Variants in NPAS3 observed in about 807,000 individuals in gnomAD.
The protein encoded by NPAS3 is neuronal PAS domain protein 3.
A neutral mutation model predicts 73.1 loss-of-function variants in NPAS3; 14 were observed. That is an observed-to-expected ratio of 0.19 (90% CI 0.13 to 0.30). NPAS3 has a LOEUF of 0.30. NPAS3 is among the 10% of genes least tolerant of loss of function. NPAS3 has a pLI of 1.00. For missense variants in NPAS3, 1,096 were observed against 1,250.0 expected (o/e 0.88, Z 1.86); for synonymous variants, 620 against 541.5 (o/e 1.14, Z -2.01).
chr14:32,940,003 C>CT (rs1188340725), intron 1 of NPAS3, among the ~76,000 whole-genome samples: 1 of 152,216 alleles, frequency 6.6e-6, no homozygotes, highest in Non-Finnish European at 1.5e-5. Flanking sequence ...CGCTCGGCAA[C>CT]TTGTGGGTCT....
chr14:33,274,158 G>A (rs75213149), intron 3 of NPAS3, among the ~76,000 whole-genome samples: 2,513 of 152,300 alleles, frequency 0.017, 31 homozygotes, highest in Middle Eastern at 0.048. Context: ...ATTGGTTACA[G>A]CTCAGTGTTT....
rs10582207 is a variant in NPAS3 at position 33,797,863 on chromosome 14, C to CAT, written c.1426+297_1426+298dup. Among the ~76,000 whole-genome samples, 1,303 of 144,942 alleles carry CAT rather than the reference C, an allele frequency of 9.0e-3. 5 individuals are homozygous for CAT. The highest frequency in any genetic ancestry group is 0.012 in the African/African-American group (460 of 37,246). On this transcript the variant is annotated intron_variant, in intron 11 of 11. Transcript: ENST00000356141. ...ACATCTGTGTGTGTGTATATATATA[C>CAT]ATATATATATATATATGTTTTTGTG...
At chr14:33,592,415 A>G (rs1272068653) in intron 5 of NPAS3, among the ~76,000 whole-genome samples, 2 of 152,228 alleles carry the variant, frequency 1.3e-5, no homozygotes, top group Non-Finnish European at 2.9e-5. Flanking sequence ...TTAAAATTTA[A>G]GAGGCGAAGC....
intron 4 of NPAS3, among the ~76,000 whole-genome samples, chr14:33,398,491 C>CT (rs1347534737): frequency 1.3e-5 from 2 of 149,776 alleles, no homozygotes; most frequent in Non-Finnish European, 3.0e-5. Flanking sequence ...ACTGTTTTAA[C>CT]TTTTTCTTAG....
chr14:33,720,552 A>G (rs576633885), intron 6 of NPAS3, among the ~76,000 whole-genome samples: 47 of 152,294 alleles, frequency 3.1e-4, no homozygotes, highest in African/African-American at 1.1e-3. Context: ...TCTCAAGCAC[A>G]TTACTGTCAG....
intron 3 of NPAS3, among the ~76,000 whole-genome samples, chr14:33,244,513 T>TAAA (rs147338224): frequency 1.0e-4 from 15 of 148,112 alleles, no homozygotes; most frequent in African/African-American, 3.7e-4. Context: ...TAATGTAAGT[T>TAAA]AAAAAAAAAA....
intron 5 of NPAS3, among the ~76,000 whole-genome samples, chr14:33,600,972 AT>A (rs549600747): frequency 6.6e-6 from 1 of 151,286 alleles, no homozygotes; most frequent in Non-Finnish European, 1.5e-5. Context: ...GTAAGCAGAC[AT>A]TTTTTTTTCA....
Position 33,265,656 on chromosome 14 carries a change from G to C in NPAS3, c.385+50230G>C, listed in dbSNP as rs113647996. Among the ~76,000 whole-genome samples the C allele has an allele frequency of 3.3e-3, 504 of 152,298 alleles. 3 individuals carry two copies. The highest frequency in any genetic ancestry group is 0.01 in the African/African-American group (431 of 41,566). On this transcript the variant is annotated intron_variant, in intron 3 of 11. Coordinates refer to ENST00000356141, the Ensembl canonical transcript of NPAS3. ...TTCTATACTTGAGAAAAGTGAGGTG[G>C]AGAGATTAGTAATTCACCCAAGGTA...
chr14:33,064,148 A>G (rs1311628845), intron 2 of NPAS3, among the ~76,000 whole-genome samples: 2 of 152,202 alleles, frequency 1.3e-5, no homozygotes, highest in Non-Finnish European at 2.9e-5. Context: ...CATACATGAG[A>G]AAATTTTATA....
At chr14:33,235,993 T>C (rs2048021860) in intron 3 of NPAS3, among the ~76,000 whole-genome samples, 1 of 151,840 alleles carries the variant, frequency 6.6e-6, no homozygotes, top group Non-Finnish European at 1.5e-5. Flanking sequence ...GGTCTCACAA[T>C]GTTGCCCAGG....
At chr14:33,672,676 T>C (rs1030510983) in intron 5 of NPAS3, among the ~76,000 whole-genome samples, 1 of 149,628 alleles carries the variant, frequency 6.7e-6, no homozygotes, top group Non-Finnish European at 1.5e-5. Context: ...CTAGTCTGTC[T>C]CACCTGGTGA....
At chr14:33,661,328 G>A (rs1156485255) in intron 5 of NPAS3, among the ~76,000 whole-genome samples, 4 of 152,130 alleles carry the variant, frequency 2.6e-5, no homozygotes, top group Non-Finnish European at 4.4e-5. Context: ...TAATAAGCTT[G>A]GAGGGCAGAG....
chr14:32,959,020 C>G (rs2036797403), intron 1 of NPAS3, among the ~76,000 whole-genome samples: 1 of 152,084 alleles, frequency 6.6e-6, no homozygotes, highest in South Asian at 2.1e-4. Flanking sequence ...AGCTGATGAG[C>G]TAATAAACAT....
chr14:33,759,863 C>T (rs529474016), intron 7 of NPAS3, among the ~76,000 whole-genome samples: 1 of 152,194 alleles, frequency 6.6e-6, no homozygotes, highest in South Asian at 2.1e-4. Context: ...CTCCATTTTG[C>T]CAAGGGCATT....
chr14:33,579,243 A>G (rs770757539), intron 5 of NPAS3, among the ~76,000 whole-genome samples: 1 of 152,356 alleles, frequency 6.6e-6, no homozygotes, highest in South Asian at 2.1e-4. Flanking sequence ...TGTCTCAAAT[A>G]TAAGTCTTCT....
At chr14:32,974,641 G>C (rs182594525) in intron 1 of NPAS3, among the ~76,000 whole-genome samples, 1 of 152,142 alleles carries the variant, frequency 6.6e-6, no homozygotes, top group East Asian at 1.9e-4. Context: ...GTCTCTGTTG[G>C]TTCTCTTAGT....
At chr14:33,237,709 T>A (rs1184789815) in intron 3 of NPAS3, among the ~76,000 whole-genome samples, 1 of 151,992 alleles carries the variant, frequency 6.6e-6, no homozygotes, top group African/African-American at 2.4e-5. Flanking sequence ...TACGTATATA[T>A]CTATAGATTT....
intron 2 of NPAS3, among the ~76,000 whole-genome samples, chr14:33,198,248 G>A (rs1002775785): frequency 1.3e-5 from 2 of 152,076 alleles, no homozygotes; most frequent in Admixed American, 1.3e-4. Context: ...CATGGAAGGG[G>A]ACCCAAGCAG....
chr14:32,960,028 G>T (rs1410716917), intron 1 of NPAS3, among the ~76,000 whole-genome samples: 2 of 145,470 alleles, frequency 1.4e-5, no homozygotes, highest in Non-Finnish European at 3.0e-5. Flanking sequence ...TGTTGAATTA[G>T]GCAGATCTGT....
Sources: allele counts gnomAD v4.1 joint callset (sites outside exome capture counted in the v4.1 genomes callset), GRCh38; gene constraint gnomAD v4.1.1; transcripts MANE v1.5; gene names NCBI Gene and HGNC (gene_info 2026-07-23, HGNC 2026-07-21).